FAM186B: variants seen among roughly 807,000 people sequenced by gnomAD.
FAM186B encodes the protein family with sequence similarity 186 member B.
A neutral mutation model predicts 83.4 loss-of-function variants in FAM186B; 68 were observed. The observed-to-expected ratio is 0.81, with a 90% confidence interval of 0.67 to 1.00. The LOEUF is 1.00. Among genes scored for constraint, FAM186B ranks in the 50% least tolerant of loss-of-function variants. The pLI is 0.00. For missense variants in FAM186B, 983 were observed against 1,099.2 expected (o/e 0.89, Z 1.49); for synonymous variants, 389 against 422.0 (o/e 0.92, Z 0.96).
intron 5 of FAM186B, among the ~76,000 whole-genome samples, chr12:49,589,678 A>G (rs965810881): frequency 4.6e-5 from 7 of 152,102 alleles, no homozygotes; most frequent in African/African-American, 1.4e-4. Flanking sequence ...ATCTATATCT[A>G]TATATCTATA....
intron 5 of FAM186B, among the ~76,000 whole-genome samples, chr12:49,589,285 C>T (rs1939523606): frequency 6.6e-6 from 1 of 152,280 alleles, no homozygotes; most frequent in South Asian, 2.1e-4. Flanking sequence ...TAGGGCAGGT[C>T]CCAGCAGGCT....
At position 49,599,891 on chromosome 12, in the gene FAM186B, G is replaced by C. The variant is rs748999703; in HGVS notation, c.1749C>G (p.Thr583=). The C allele has an allele frequency of 5.6e-6, 9 of 1,610,602 alleles. No homozygotes were observed. The South Asian group carries it at 8.8e-5, about 16-fold the overall frequency. The change falls in exon 4 of 7, where the codon ACC becomes ACG. Residue 583 remains threonine, a synonymous_variant. Transcript: ENST00000257894. ...GCCTCCTGCTTTGGTGAGCAGATTG[G>C]GTCCGGCTTGGGGCAGGCACTAATG... ...ELSLVPAPSR[T]QSAHQSRRPH... is the part of the protein sequence containing the mutation.
rs780028976 is a variant in FAM186B at position 49,600,344 on chromosome 12, C to T, written c.1296G>A (p.Pro432=). The T allele has an allele frequency of 2.1e-5, 34 of 1,614,058 alleles. No individual in the cohort carries two copies. The highest frequency in any genetic ancestry group is 2.0e-4 in the East Asian group (9 of 44,896). The change falls in exon 4 of 7, where the codon CCG becomes CCA. Residue 432 remains proline, a synonymous_variant. Coordinates refer to ENST00000257894, the MANE Select transcript of FAM186B (RefSeq NM_032130.3). This position sits in a 1 kb window ranked among gnomAD's most constrained non-coding sequence, Gnocchi z 4.3. The part of the protein sequence containing the change: ...DRRFPKKWER[P]VAESLGHKDK... ...CTTTGTGGCCTAAGCTTTCTGCCAC[C>T]GGTCTTTCCCATTTCTTAGGAAACC... is the stretch of plus-strand genomic sequence containing the variant.
chr12:49,598,375 C>A (rs1177215601), intron 5 of FAM186B, among the ~76,000 whole-genome samples: 1 of 152,160 alleles, frequency 6.6e-6, no homozygotes, highest in African/African-American at 2.4e-5. Flanking sequence ...CCTGGAGAGC[C>A]ACCAGACTGA....
chr12:49,600,759 A>G lies in FAM186B; in HGVS notation c.881T>C (p.Leu294Pro). ...TCCCCCTAAGATCTCTACCTGCTTCAGCAGAGCATCCCTCCTGCTCTCAAG... is the reference window on the plus strand; with the variant it reads ...TCCCCCTAAGATCTCTACCTGCTTCGGCAGAGCATCCCTCCTGCTCTCAAG... ...EVLESRRDAL[L>P]KQVEILGGRY... Residue 294 changes from leucine to proline, a missense_variant, in exon 4 of 7, where the codon CTG (leucine) becomes CCG (proline). By Grantham distance (98) the Leu-to-Pro change is moderately conservative (BLOSUM62 -3). Coordinates refer to ENST00000257894, the MANE Select transcript of FAM186B (RefSeq NM_032130.3). This position sits in a 1 kb window ranked among gnomAD's most constrained non-coding sequence, Gnocchi z 4.3. The G allele has an allele frequency of 6.2e-7, 1 of 1,614,004 alleles. No homozygotes were observed. Among genetic ancestry groups the G allele is most frequent in the Middle Eastern group, 1.7e-4 (1 of 6,060 alleles).
In FAM186B at chr12:49,598,860, A is replaced by C. The variant is rs1939794169; in HGVS notation, c.2259T>G (p.Ile753Met). The part of the protein sequence containing the change: ...AQNLYIFLEN[I>M]DRLQSLRLQA... ...GCAGCCTGAGACTCTGCAGGCGGTC[A>C]ATGTTTTCCAGGAAGATGTAGAGGT... is the stretch of plus-strand genomic sequence containing the variant. The change falls in exon 5 of 7, where the codon ATT (isoleucine) becomes ATG (methionine). Residue 753 changes from isoleucine (I) to methionine (M), a missense_variant. Ile to Met is a conservative substitution (Grantham distance 10, BLOSUM62 1). Coordinates refer to ENST00000257894, the MANE Select transcript of FAM186B (RefSeq NM_032130.3). 1.2e-6 allele frequency: 2 copies of C among 1,612,936 alleles called. No individual in the cohort carries two copies. Among genetic ancestry groups the C allele is most frequent in the Admixed American group, 3.3e-5 (2 of 59,880 alleles).
rs1592557118 is a variant in FAM186B, at chr12:49,604,485, G to A, written c.150C>T (p.Asn50=). ...CATATCCTAATTCTTCCTGGAAGCG[G>A]TTGATGACACAATTGACATTGTCCA... ...DILDNVNCVI[N]RFQEELGYDL... Residue 50 remains asparagine, a synonymous_variant, in exon 2 of 7, where the codon AAC becomes AAT. Transcript: ENST00000257894. 6.2e-7 allele frequency: 1 copy of A among 1,614,198 alleles called. No individual in the cohort carries two copies. Among genetic ancestry groups the A allele is most frequent in the Non-Finnish European group, 8.5e-7 (1 of 1,180,036 alleles).
At chr12:49,585,051 G>T (rs1329512709), downstream of FAM186B, among the ~76,000 whole-genome samples, 1 of 151,908 alleles carries the variant, frequency 6.6e-6, no homozygotes, top group Admixed American at 6.6e-5. Flanking sequence ...ATGGAGTCTC[G>T]CTGTGTCCCC....
Position 49,587,571 on chromosome 12 carries a change from C to T in FAM186B, c.*34G>A. 6.2e-7 allele frequency: 1 copy of T among 1,613,966 alleles called. No homozygotes were observed. Among genetic ancestry groups the T allele is most frequent in the Non-Finnish European group, 8.5e-7 (1 of 1,179,896 alleles). On this transcript the variant is annotated 3_prime_UTR_variant, in exon 7 of 7. Transcript: ENST00000257894. ...ACCATCAGCCTCGCACCTTACTGGG[C>T]CTTCAGGAAGTTCAGGCTTTTGTGG...
the FAM186B span, among the ~76,000 whole-genome samples, chr12:49,613,761 C>T: frequency 6.6e-6 from 1 of 151,508 alleles, no homozygotes; most frequent in African/African-American, 2.4e-5. Flanking sequence ...ATCACTGAGT[C>T]CAGGGAGGTC....
At chr12:49,604,622 C>T (rs1386557777) in intron 1 of FAM186B, 84 bp from the exon 2 acceptor site, 2 of 1,088,760 alleles carry the variant, frequency 1.8e-6, no homozygotes, top group Admixed American at 2.1e-5. Flanking sequence ...TTGGACAAGT[C>T]GCTTAGCCTC....
the FAM186B span, chr12:49,619,665 C>A: frequency 1.4e-5 from 3 of 222,134 alleles, no homozygotes; most frequent in Non-Finnish European, 2.6e-5. Flanking sequence ...AGTTAGACAT[C>A]TCTTTTTTTT....
At chr12:49,595,820 A>G (rs11831877) in intron 5 of FAM186B, 2,428 of 175,532 alleles carry the variant, frequency 0.014, 62 homozygotes, top group African/African-American at 0.054. Context: ...CGTCTCCACT[A>G]AAAAATACAA....
At chr12:49,613,647 T>C in the FAM186B span, among the ~76,000 whole-genome samples, 1 of 151,746 alleles carries the variant, frequency 6.6e-6, no homozygotes, top group Non-Finnish European at 1.5e-5. Context: ...CAGACCAGCC[T>C]GGGCAACATG....
At chr12:49,609,993 T>G (rs1394984969), upstream of FAM186B, among the ~76,000 whole-genome samples, 1 of 152,174 alleles carries the variant, frequency 6.6e-6, no homozygotes, top group Non-Finnish European at 1.5e-5. Flanking sequence ...TACTTATAAG[T>G]GCCATCTACT....
At chr12:49,589,508 T>C (rs540251604) in intron 5 of FAM186B, among the ~76,000 whole-genome samples, 5 of 152,182 alleles carry the variant, frequency 3.3e-5, no homozygotes, top group Admixed American at 6.5e-5. Flanking sequence ...ATATGAAAGA[T>C]GGATATGGAT....
downstream of FAM186B, among the ~76,000 whole-genome samples, chr12:49,585,085 C>G (rs1305729018): frequency 6.6e-6 from 1 of 152,176 alleles, no homozygotes; most frequent in African/African-American, 2.4e-5. Flanking sequence ...GTGGCGCAAT[C>G]TTGGCTCACT....
chr12:49,612,144 C>G, the FAM186B span, among the ~76,000 whole-genome samples: 66 of 152,140 alleles, frequency 4.3e-4, no homozygotes, highest in African/African-American at 1.4e-3. Context: ...CAATATTAAC[C>G]TTGAATGTAA....
chr12:49,607,874 A>G (rs1054923516), upstream of FAM186B, among the ~76,000 whole-genome samples: 1 of 151,572 alleles, frequency 6.6e-6, no homozygotes, highest in African/African-American at 2.4e-5. Context: ...TAATTTTTGT[A>G]TTTTTAGTAG....
Sources: gnomAD v4.1 joint callset for allele counts (sites outside exome capture counted in the v4.1 genomes callset) on GRCh38, gnomAD v4.1.1 for gene constraint, Gnocchi (gnomAD v3.1) non-coding constraint, MANE v1.5 for transcripts, NCBI Gene and HGNC (gene_info 2026-07-23, HGNC 2026-07-21) for gene names.